PLEKHN1: variants seen among roughly 807,000 people sequenced by gnomAD.
PLEKHN1 encodes pleckstrin homology domain-containing family N member 1.
In PLEKHN1, 68 loss-of-function variants were observed where a neutral mutation model predicts 72.8. The ratio of observed to expected loss-of-function variants is 0.93; its 90% CI spans 0.77 to 1.14. The LOEUF (loss-of-function observed/expected upper bound fraction) is 1.14, where lower values mean the gene tolerates loss of function less well. Among genes scored for constraint, PLEKHN1 ranks in the 50% most tolerant of loss-of-function variants. The pLI, the probability that PLEKHN1 is intolerant of heterozygous loss-of-function variation, is 0.00. For synonymous variants in PLEKHN1, 454 were observed against 371.6 expected, an observed-to-expected ratio of 1.22 and a Z score of -2.55; for missense variants, 1,015 against 840.5, an observed-to-expected ratio of 1.21 and a Z score of -2.57.
intron 2 of PLEKHN1, among the ~76,000 whole-genome samples, chr1:969,057 C>T (rs1023549005): frequency 1.3e-5 from 2 of 152,226 alleles, no homozygotes; most frequent in Non-Finnish European, 2.9e-5. Context: ...GATTGGCAAA[C>T]GTTACAAATC....
Position 970,414 on chromosome 1 carries a change from G to T in PLEKHN1, c.321G>T (p.Gln107His), listed in dbSNP as rs767071711. The change falls in exon 3 of 16, where the codon CAG becomes CAT. Residue 107 changes from glutamine to histidine, a missense_variant. Gln to His is a conservative substitution (Grantham distance 24). Coordinates refer to ENST00000379410, the MANE Select transcript of PLEKHN1 (RefSeq NM_032129.3). This position sits in a 1 kb window ranked among gnomAD's most constrained non-coding sequence, Gnocchi z 4.2. ...VHYAKVQLRFQHSQDVSDCYL... is the reference protein window; with the variant it reads ...VHYAKVQLRFHHSQDVSDCYL... ...ACGCCAAGGTCCAGCTGCGGTTCCA[G>T]CACAGCCAGGTGGGGGCCGGGCTGG... 6.2e-7 allele frequency: 1 copy of T among 1,613,410 alleles called. No homozygotes were observed. Among genetic ancestry groups the T allele is most frequent in the East Asian group, 2.2e-5 (1 of 44,884 alleles).
At position 970,497 on chromosome 1, in the gene PLEKHN1, C is replaced by A; in HGVS notation, c.331-24C>A. On this transcript the variant is annotated intron_variant, in intron 3 of 15. Coordinates refer to ENST00000379410, the MANE Select transcript of PLEKHN1 (RefSeq NM_032129.3). This position sits in a 1 kb window ranked among gnomAD's most constrained non-coding sequence, Gnocchi z 4.2. The stretch of plus-strand genomic sequence containing the variant: ...AGCCTGGGGCTCCCCAGACTCCGCA[C>A]TGACGACCCTGCTCCCCGCGCAGGA... The A allele has an allele frequency of 6.2e-7, 1 of 1,613,120 alleles. No individual in the cohort carries two copies. Among genetic ancestry groups the A allele is most frequent in the South Asian group, 1.1e-5 (1 of 91,084 alleles).
In PLEKHN1 at chr1:973,910, C is replaced by T. The variant is rs1412485346; in HGVS notation, c.1512C>T (p.Ala504=). 3 of 1,611,354 alleles carry T rather than the reference C, an allele frequency of 1.9e-6. No homozygotes were observed. Among genetic ancestry groups the T allele is most frequent in the African/African-American group, 1.3e-5 (1 of 74,902 alleles). Residue 504 remains alanine, a synonymous_variant, in exon 14 of 16, where the codon GCC becomes GCT. Transcript: ENST00000379410. The part of the protein sequence containing the change: ...PLPSVPVSVP[A]SDPRSCSSGP... Reference sequence around the variant, plus strand: ...CCTCGGTGCCTGTGTCTGTGCCTGCCTCTGACCCTCGCTCCTGCTCCTCCG... The same window carrying T: ...CCTCGGTGCCTGTGTCTGTGCCTGCTTCTGACCCTCGCTCCTGCTCCTCCG...
chr1:971,694 G>A (rs1158123826), intron 8 of PLEKHN1, among the ~76,000 whole-genome samples: 1 of 152,228 alleles, frequency 6.6e-6, no homozygotes, highest in Non-Finnish European at 1.5e-5. Flanking sequence ...CGTGAGGCGT[G>A]TGTGTGCACA....
intron 2 of PLEKHN1, among the ~76,000 whole-genome samples, chr1:968,489 T>C (rs1268934220): frequency 1.3e-5 from 2 of 152,172 alleles, no homozygotes; most frequent in Admixed American, 1.3e-4. Context: ...CCCTCCCCTC[T>C]CAGCACATGC....
In PLEKHN1 at chr1:966,717, C is replaced by T. The variant is rs772543331; in HGVS notation, c.97C>T (p.Arg33Trp). 2.9e-5 allele frequency: 45 copies of T among 1,573,892 alleles called. No individual in the cohort carries two copies. The highest frequency in any genetic ancestry group is 6.8e-5 in the African/African-American group (5 of 73,866). Residue 33 changes from arginine to tryptophan, a missense_variant, in exon 2 of 16, where the codon CGG becomes TGG. Transcript: ENST00000379410. ...CCTTGTCCCCAGAGAGGACAGCGCG[C>T]GGATGTCGGCCGGCCTGCCGGGCCC... ...SLKGNREDSA[R>W]MSAGLPGPEA...
chr1:968,207 G>A (rs1031186877), intron 2 of PLEKHN1, among the ~76,000 whole-genome samples: 2 of 152,258 alleles, frequency 1.3e-5, no homozygotes, highest in Non-Finnish European at 2.9e-5. Flanking sequence ...GCAGAAGGCC[G>A]GGAAAGCCAT....
Position 974,120 on chromosome 1 carries a change from T to C in PLEKHN1, c.1653+69T>C, listed in dbSNP as rs530530189. On this transcript the variant is annotated intron_variant, in intron 14 of 15. Transcript: ENST00000379410. ...GGCCGGGGGTCTGGTGTGGGGCCTC[T>C]TGGGACTCTGAGGGAGCAGGGAGGG... 1.1e-5 allele frequency: 16 copies of C among 1,502,588 alleles called. No individual in the cohort carries two copies. In the South Asian group the frequency reaches 1.8e-4, roughly 17 times the overall value. 93.1% of individuals were successfully genotyped at this position (1,502,588 alleles called of 1,614,324 possible). A position where few individuals can be genotyped will look rare whatever the true frequency, so the allele number is the denominator to read the frequency against.
intron 6 of PLEKHN1, 28 bp from the exon 7 acceptor site, chr1:971,085 C>T (rs368224764): frequency 1.4e-5 from 22 of 1,582,386 alleles, no homozygotes; most frequent in African/African-American, 1.1e-4. Flanking sequence ...AGGGGTCCTG[C>T]GGAGACGAAC....
rs1398825910 is a variant in PLEKHN1 at position 974,945 on chromosome 1, C to G, written c.*370C>G. On this transcript the variant is annotated 3_prime_UTR_variant, in exon 16 of 16. Transcript: ENST00000379410. ...GAGGACAGAGAAAGGTCAGCAGGGT[C>G]AGAGTATGTGAGGTCAGAGGGCATG... is the stretch of plus-strand genomic sequence containing the variant. 4 of 282,124 alleles carry G rather than the reference C, an allele frequency of 1.4e-5. No homozygotes were observed. The highest frequency in any genetic ancestry group is 2.7e-5 in the Non-Finnish European group (4 of 145,780). 17.5% of individuals were successfully genotyped at this position (282,124 alleles called of 1,614,324 possible). A position where few individuals can be genotyped will look rare whatever the true frequency, so the allele number is the denominator to read the frequency against.
rs962271082 is a variant in PLEKHN1 at position 966,771 on chromosome 1, G to A, written c.151G>A (p.Ala51Thr). 5.1e-6 allele frequency: 8 copies of A among 1,570,482 alleles called. No homozygotes were observed. Among genetic ancestry groups the A allele is most frequent in the Admixed American group, 3.7e-5 (2 of 54,354 alleles). ...GGCTGCTCGAAGCGGGGACGCCGCC[G>A]CCAACAAGCTCTTCCACTACATCCC... ...PEAARSGDAA[A>T]NKLFHYIPGT... Residue 51 changes from alanine to threonine, a missense_variant, in exon 2 of 16, where the codon GCC becomes ACC. Ala to Thr is a moderately conservative substitution (Grantham distance 58). Transcript: ENST00000379410.
At chr1:973,461 C>G in intron 12 of PLEKHN1, 39 bp from the exon 13 acceptor site, 6 of 1,605,464 alleles carry the variant, frequency 3.7e-6, no homozygotes, top group Non-Finnish European at 5.1e-6. Flanking sequence ...TAGGCTGTTT[C>G]TAGCCGAGAA....
In PLEKHN1 at chr1:973,848, C is replaced by A. The variant is rs149319080; in HGVS notation, c.1450C>A (p.Gln484Lys). The change falls in exon 14 of 16, where the codon CAG becomes AAG. Residue 484 changes from glutamine (Q) to lysine (K), a missense_variant. Coordinates refer to ENST00000379410, the MANE Select transcript of PLEKHN1 (RefSeq NM_032129.3). ...RGLEEFLSAMQSARGPTPSSP... is the reference protein window; with the variant it reads ...RGLEEFLSAMKSARGPTPSSP... The stretch of plus-strand genomic sequence containing the variant: ...CTCCCTGCAGTTCCTCAGTGCCATG[C>A]AGAGTGCACGTGGACCCACGCCCTC... The A allele has an allele frequency of 6.2e-7, 1 of 1,610,006 alleles. No homozygotes were observed. Among genetic ancestry groups the A allele is most frequent in the East Asian group, 2.2e-5 (1 of 44,856 alleles).
At chr1:973,079 C>T in intron 11 of PLEKHN1, 69 bp downstream of exon 11, 2 of 1,532,580 alleles carry the variant, frequency 1.3e-6, no homozygotes, top group Non-Finnish European at 1.8e-6. Context: ...GTTGGGGACC[C>T]TGGTTCCTCA....
rs776377656 is a variant in PLEKHN1, at chr1:974,029, AG to A, written c.1632del (p.Gln544HisfsTer23). On this transcript the variant is annotated frameshift_variant, in exon 14 of 16. Coordinates refer to ENST00000379410, the MANE Select transcript of PLEKHN1 (RefSeq NM_032129.3). LOFTEE classifies it high-confidence loss of function. ...HRGSAKDGGP[Q>X]PPDAPQLVSS... is the part of the protein sequence containing the mutation. The stretch of plus-strand genomic sequence containing the variant: ...GGCTCAGCCAAGGATGGGGGGCCGC[AG>A]CCCCCAGACGCCCCTCAGCTTGTGA... 315 of 1,594,780 alleles carry A rather than the reference AG, an allele frequency of 2.0e-4. 8 individuals are homozygous for A. The highest frequency in any genetic ancestry group is 9.3e-4 in the South Asian group (83 of 89,438).
chr1:973,819 G>A lies in PLEKHN1; in HGVS notation c.1435-14G>A. On this transcript the variant is annotated splice_polypyrimidine_tract_variant and intron_variant, in intron 13 of 15. Transcript: ENST00000379410. ...TGGCTGCCACCCAGGCCCCAGCCCTGGCTCTCCCTGCAGTTCCTCAGTGCC... is the reference window on the plus strand; with the variant it reads ...TGGCTGCCACCCAGGCCCCAGCCCTAGCTCTCCCTGCAGTTCCTCAGTGCC... 1.2e-6 allele frequency: 2 copies of A among 1,606,006 alleles called. No individual in the cohort carries two copies. The highest frequency in any genetic ancestry group is 1.7e-6 in the Non-Finnish European group (2 of 1,177,636).
In PLEKHN1 at chr1:972,293, CTCA is replaced by C. The variant is rs1643377001; in HGVS notation, c.875_877del (p.Ile292del). 2 of 1,610,934 alleles carry C rather than the reference CTCA, an allele frequency of 1.2e-6. No individual in the cohort carries two copies. The highest frequency in any genetic ancestry group is 2.2e-5 in the East Asian group (1 of 44,802). On this transcript the variant is annotated inframe_deletion, in exon 10 of 16. Transcript: ENST00000379410. ...TCACAGCATCTGTATGCCAGGCCCC[CTCA>C]TCAACACCATCCGCGTGGTGTGCGC...
At chr1:972,254 C>T (rs1643374028) in intron 9 of PLEKHN1, 34 bp from the exon 10 acceptor site, 11 of 1,602,594 alleles carry the variant, frequency 6.9e-6, no homozygotes, top group Non-Finnish European at 9.4e-6. Context: ...GGGGTGCACC[C>T]CCCCGCCAGC....
At position 970,395 on chromosome 1, in the gene PLEKHN1, A is replaced by T; in HGVS notation, c.302A>T (p.Lys101Met). Residue 101 changes from lysine to methionine, a missense_variant, in exon 3 of 16, where the codon AAG (lysine) becomes ATG (methionine). Transcript: ENST00000379410. The surrounding 1 kb of genome is among the most constrained non-coding windows in gnomAD (Gnocchi z 4.2). ...RNLGKVVHYA[K>M]VQLRFQHSQD... ...CTGGGAAAAGTTGTGCATTACGCCA[A>T]GGTCCAGCTGCGGTTCCAGCACAGC... 1 of 1,613,462 alleles carries T rather than the reference A, an allele frequency of 6.2e-7. No individual in the cohort carries two copies.
Sources: gnomAD v4.1 joint callset for allele counts (sites outside exome capture counted in the v4.1 genomes callset) on GRCh38, gnomAD v4.1.1 for gene constraint, Gnocchi (gnomAD v3.1) non-coding constraint, MANE v1.5 for transcripts, NCBI Gene and HGNC (gene_info 2026-07-23, HGNC 2026-07-21) for gene names.